Variants in PHF24 observed in about 807,000 individuals in gnomAD.
PHF24 encodes the protein PHD finger protein 24.
In PHF24, 25 loss-of-function variants were observed where a neutral mutation model predicts 42.6. The observed-to-expected ratio is 0.59, with a 90% CI of 0.43 to 0.82. The LOEUF (loss-of-function observed/expected upper bound fraction) is 0.82. Among genes scored for constraint, PHF24 ranks in the 40% least tolerant of loss-of-function variants. The pLI is 0.00. For missense variants in PHF24, 470 were observed against 538.1 expected, an observed-to-expected ratio of 0.87 and a Z score of 1.25; for synonymous variants, 185 against 204.8, an observed-to-expected ratio of 0.90 and a Z score of 0.83.
chr9:34,837,642 T>C, the PHF24 span: 1 of 1,514,484 alleles, frequency 6.6e-7, no homozygotes, highest in Non-Finnish European at 9.0e-7. Context: ...AGAGGAGAGA[T>C]TGGGACTTCA....
chr9:34,674,190 A>G, the PHF24 span, among the ~76,000 whole-genome samples: 1 of 152,246 alleles, frequency 6.6e-6, no homozygotes, highest in South Asian at 2.1e-4. Flanking sequence ...GGAAACTAAG[A>G]CCCAGAAAGG....
the PHF24 span, among the ~76,000 whole-genome samples, chr9:34,823,335 G>A: frequency 6.6e-6 from 1 of 152,076 alleles, no homozygotes; most frequent in Non-Finnish European, 1.5e-5. Flanking sequence ...AGAGGAAGGG[G>A]CTGTGCTTCT....
the PHF24 span, among the ~76,000 whole-genome samples, chr9:34,677,368 C>CT: frequency 7.0e-6 from 1 of 141,866 alleles, no homozygotes; most frequent in Non-Finnish European, 1.5e-5. Context: ...TTCCTGACTG[C>CT]TGATAGGGTC....
chr9:34,886,532 A>G, the PHF24 span, among the ~76,000 whole-genome samples: 1 of 152,100 alleles, frequency 6.6e-6, no homozygotes, highest in Non-Finnish European at 1.5e-5. Context: ...CTTCTCCTTA[A>G]AACACTTTCC....
At chr9:34,847,382 C>G in the PHF24 span, among the ~76,000 whole-genome samples, 1 of 152,140 alleles carries the variant, frequency 6.6e-6, no homozygotes, top group Non-Finnish European at 1.5e-5. Flanking sequence ...GGAGTTCACT[C>G]ATGATTTGGC....
At chr9:34,766,348 T>C in the PHF24 span, among the ~76,000 whole-genome samples, 5 of 152,254 alleles carry the variant, frequency 3.3e-5, no homozygotes, top group East Asian at 5.8e-4. Flanking sequence ...CAATCAGACA[T>C]AGATTTGGTC....
At chr9:34,922,333 C>A in the PHF24 span, 4 of 1,581,994 alleles carry the variant, frequency 2.5e-6, no homozygotes, top group African/African-American at 5.4e-5. Flanking sequence ...ATGGCTTCAT[C>A]AAAAGCTGTC....
the PHF24 span, among the ~76,000 whole-genome samples, chr9:34,736,629 A>T: frequency 6.6e-6 from 1 of 152,218 alleles, no homozygotes; most frequent in African/African-American, 2.4e-5. Context: ...ACTAATGATA[A>T]ATACCAAGCT....
At chr9:34,970,589 G>T in intron 1 of PHF24, among the ~76,000 whole-genome samples, 1 of 152,176 alleles carries the variant, frequency 6.6e-6, no homozygotes, top group East Asian at 1.9e-4. Context: ...CATTTGATGA[G>T]GATTAGCCCC....
the PHF24 span, among the ~76,000 whole-genome samples, chr9:34,903,258 A>C: frequency 6.6e-6 from 1 of 152,216 alleles, no homozygotes; most frequent in Non-Finnish European, 1.5e-5. Context: ...GAAATTGCAG[A>C]CTATTCACAT....
At chr9:34,729,417 G>C in the PHF24 span, 6 of 1,549,722 alleles carry the variant, frequency 3.9e-6, no homozygotes, top group Non-Finnish European at 4.4e-6. Flanking sequence ...AACAAAAGTA[G>C]GGCTCAACAT....
chr9:34,813,702 C>A, the PHF24 span, among the ~76,000 whole-genome samples: 1 of 152,192 alleles, frequency 6.6e-6, no homozygotes, highest in African/African-American at 2.4e-5. Context: ...TAAGCCAGAG[C>A]AAGTGTGCTA....
At chr9:34,718,962 G>A in the PHF24 span, among the ~76,000 whole-genome samples, 1 of 152,188 alleles carries the variant, frequency 6.6e-6, no homozygotes, top group Non-Finnish European at 1.5e-5. Flanking sequence ...GTGTGCCAGA[G>A]GTGAACCCAA....
exon 8 of PHF24, chr9:34,978,168 C>A: frequency 7.4e-7 from 1 of 1,348,938 alleles, no homozygotes; most frequent in Non-Finnish European, 1.1e-6. Context: ...CCTTTCCTTT[C>A]TCCCTTCCCC....
At chr9:34,882,873 C>T in the PHF24 span, among the ~76,000 whole-genome samples, 13 of 152,232 alleles carry the variant, frequency 8.5e-5, no homozygotes, top group Admixed American at 6.5e-4. Flanking sequence ...CTTTAAAGTT[C>T]GTGTGGAAGC....
the PHF24 span, among the ~76,000 whole-genome samples, chr9:34,851,029 A>T: frequency 6.6e-6 from 1 of 152,142 alleles, no homozygotes; most frequent in Non-Finnish European, 1.5e-5. Context: ...CCTCCCAGTT[A>T]GGCTGCTCGG....
the PHF24 span, chr9:34,723,875 G>A: frequency 6.4e-7 from 1 of 1,551,682 alleles, no homozygotes; most frequent in Admixed American, 2.0e-5. Flanking sequence ...AGGTAGCTGT[G>A]GGAGCTTAAG....
chr9:34,708,558 T>C, the PHF24 span, among the ~76,000 whole-genome samples: 1 of 152,144 alleles, frequency 6.6e-6, no homozygotes, highest in Non-Finnish European at 1.5e-5. Flanking sequence ...TTGTCTGTGT[T>C]ATAGATGGGC....
At chr9:34,803,297 G>C in the PHF24 span, among the ~76,000 whole-genome samples, 1 of 151,690 alleles carries the variant, frequency 6.6e-6, no homozygotes, top group Non-Finnish European at 1.5e-5. Context: ...GGAATATTTA[G>C]TATGTTCTAA....
Sources: allele counts gnomAD v4.1 joint callset (sites outside exome capture counted in the v4.1 genomes callset), GRCh38; gene constraint gnomAD v4.1.1; transcripts MANE v1.5; gene names NCBI Gene and HGNC (gene_info 2026-07-23, HGNC 2026-07-21).